UNC13C: variants seen among roughly 807,000 people sequenced by gnomAD.
The protein encoded by UNC13C is unc-13 homolog C, also known as protein unc-13 homolog C.
In UNC13C, 174 loss-of-function variants were observed where a neutral mutation model predicts 245.4. The ratio of observed to expected loss-of-function variants is 0.71; its 90% CI spans 0.63 to 0.80. The LOEUF (loss-of-function observed/expected upper bound fraction) is 0.80, where lower values mean the gene tolerates loss of function less well. Among genes scored for constraint, UNC13C ranks in the 30% least tolerant of loss-of-function variants. The pLI, the probability that UNC13C is intolerant of heterozygous loss-of-function variation, is 0.00. For missense variants in UNC13C, 2,829 were observed against 2,602.9 expected (o/e 1.09, Z -1.89); for synonymous variants, 992 against 895.1 (o/e 1.11, Z -1.93).
At chr15:54,464,159 C>T (rs1384332743) in intron 19 of UNC13C, among the ~76,000 whole-genome samples, 4 of 152,224 alleles carry the variant, frequency 2.6e-5, no homozygotes, top group Non-Finnish European at 5.9e-5. Flanking sequence ...TCAATATGCT[C>T]AATATTTACT....
intron 1 of UNC13C, among the ~76,000 whole-genome samples, chr15:54,001,777 T>A (rs2249423): frequency 4.6e-5 from 7 of 152,142 alleles, no homozygotes; most frequent in South Asian, 4.1e-4. Flanking sequence ...CTCAAAGTGC[T>A]CCGTGGGGAC....
At chr15:54,062,377 A>G (rs1421060419) in intron 2 of UNC13C, among the ~76,000 whole-genome samples, 1 of 151,844 alleles carries the variant, frequency 6.6e-6, no homozygotes, top group Non-Finnish European at 1.5e-5. Flanking sequence ...AACATGGCAG[A>G]GGTCGTAGTT....
At chr15:54,204,061 T>G (rs1181429591) in intron 4 of UNC13C, among the ~76,000 whole-genome samples, 1 of 151,676 alleles carries the variant, frequency 6.6e-6, no homozygotes, top group African/African-American at 2.4e-5. Flanking sequence ...AACCAAACAT[T>G]GTATGTTCTC....
chr15:54,153,709 C>G (rs772418782), intron 4 of UNC13C, among the ~76,000 whole-genome samples: 3 of 151,802 alleles, frequency 2.0e-5, no homozygotes, highest in Non-Finnish European at 2.9e-5. Context: ...AGTATATGTA[C>G]CAAATAAATG....
intron 2 of UNC13C, among the ~76,000 whole-genome samples, chr15:54,137,040 G>A (rs1200288667): frequency 6.6e-6 from 1 of 151,962 alleles, no homozygotes; most frequent in African/African-American, 2.4e-5. Context: ...TCTTGCCCCA[G>A]CTAGTCTTGC....
At chr15:54,274,476 A>G (rs932582927) in intron 10 of UNC13C, among the ~76,000 whole-genome samples, 2 of 152,154 alleles carry the variant, frequency 1.3e-5, no homozygotes, top group Non-Finnish European at 2.9e-5. Context: ...TACAAATGAG[A>G]AACCTTTGGG....
intron 29 of UNC13C, among the ~76,000 whole-genome samples, chr15:54,558,087 C>G (rs1478967603): frequency 6.6e-6 from 1 of 151,890 alleles, no homozygotes; most frequent in Non-Finnish European, 1.5e-5. Flanking sequence ...GAACATCACG[C>G]TCTGGGGACT....
chr15:54,233,640 G>A (rs992638519), intron 4 of UNC13C, among the ~76,000 whole-genome samples: 2 of 152,178 alleles, frequency 1.3e-5, no homozygotes, highest in Non-Finnish European at 2.9e-5. Flanking sequence ...GATAACTGAA[G>A]AAGTGTTGGA....
chr15:53,843,013 C>T, the UNC13C span, among the ~76,000 whole-genome samples: 2 of 151,616 alleles, frequency 1.3e-5, no homozygotes, highest in Admixed American at 1.3e-4. Context: ...GAATTTTACT[C>T]ACAACTAGAA....
chr15:54,177,684 G>A (rs1014463851), intron 4 of UNC13C, among the ~76,000 whole-genome samples: 2 of 152,062 alleles, frequency 1.3e-5, no homozygotes, highest in Non-Finnish European at 2.9e-5. Flanking sequence ...TATAATTTCA[G>A]GTATTGTGAA....
At chr15:54,329,918 T>C (rs1195503414) in intron 14 of UNC13C, among the ~76,000 whole-genome samples, 3 of 152,116 alleles carry the variant, frequency 2.0e-5, no homozygotes, top group East Asian at 1.9e-4. Context: ...AAATAAGATT[T>C]CCCCCTTTGC....
chr15:54,076,398 G>A, intron 2 of UNC13C, among the ~76,000 whole-genome samples: 1 of 151,302 alleles, frequency 6.6e-6, no homozygotes, highest in East Asian at 2.0e-4. Context: ...TGAGAATGAT[G>A]GTTTCCAGTT....
chr15:54,516,040 C>G (rs567411405), intron 24 of UNC13C, among the ~76,000 whole-genome samples: 1 of 152,066 alleles, frequency 6.6e-6, no homozygotes, highest in Admixed American at 6.6e-5. Flanking sequence ...ATATCTATGT[C>G]GCTTTTAATT....
intron 1 of UNC13C, among the ~76,000 whole-genome samples, chr15:53,984,710 T>C (rs938292672): frequency 1.3e-5 from 2 of 152,098 alleles, no homozygotes; most frequent in African/African-American, 4.8e-5. Flanking sequence ...GTACATGTTA[T>C]TAGACAAAAA....
the UNC13C span, among the ~76,000 whole-genome samples, chr15:53,953,951 A>C: frequency 2.6e-4 from 39 of 152,336 alleles, no homozygotes; most frequent in Non-Finnish European, 4.7e-4. Context: ...GGTGACTGTA[A>C]GGGACAGAGT....
intron 4 of UNC13C, among the ~76,000 whole-genome samples, chr15:54,195,933 TTCTG>T: frequency 6.6e-6 from 1 of 152,248 alleles, no homozygotes; most frequent in East Asian, 1.9e-4. Flanking sequence ...CTGTGTCTTA[TTCTG>T]TCTTTTTACT....
At chr15:54,000,112 A>G (rs1451613269) in intron 1 of UNC13C, among the ~76,000 whole-genome samples, 3 of 152,122 alleles carry the variant, frequency 2.0e-5, no homozygotes, top group Non-Finnish European at 4.4e-5. Context: ...TGAGACAAGC[A>G]ATTCTGAGGG....
chr15:54,247,643 C>T (rs539132147), intron 7 of UNC13C, among the ~76,000 whole-genome samples: 1 of 151,858 alleles, frequency 6.6e-6, no homozygotes, highest in African/African-American at 2.4e-5. Flanking sequence ...GGATATATAC[C>T]CTCTAGTAGG....
intron 30 of UNC13C, among the ~76,000 whole-genome samples, chr15:54,615,818 T>A (rs1428959119): frequency 6.6e-6 from 1 of 151,982 alleles, no homozygotes; most frequent in African/African-American, 2.4e-5. Flanking sequence ...ATCTAACCAA[T>A]TCTGTGGATT....
Sources: gnomAD v4.1 joint callset for allele counts (sites outside exome capture counted in the v4.1 genomes callset) on GRCh38, gnomAD v4.1.1 for gene constraint, MANE v1.5 for transcripts, NCBI Gene and HGNC (gene_info 2026-07-23, HGNC 2026-07-21) for gene names.